The following TSEN2 variants were observed in gnomAD, a reference collection of about 807,000 sequenced individuals.
The protein encoded by TSEN2 is tRNA-splicing endonuclease subunit Sen2.
TSEN2 carries 54 observed loss-of-function variants against 59.2 expected under a neutral mutation model. The observed-to-expected ratio is 0.91, with a 90% CI of 0.73 to 1.14. TSEN2 has a LOEUF of 1.14. Among genes scored for constraint, TSEN2 ranks in the 50% most tolerant of loss-of-function variants. The pLI is 0.00. For synonymous variants in TSEN2, 195 were observed against 198.2 expected (o/e 0.98, Z 0.14); for missense variants, 636 against 576.2 (o/e 1.10, Z -1.06).
chr3:12,516,032 T>C (rs1575391660), intron 6 of TSEN2, among the ~76,000 whole-genome samples: 1 of 152,160 alleles, frequency 6.6e-6, no homozygotes, highest in East Asian at 1.9e-4. Flanking sequence ...TTCATAAAAA[T>C]CTTTTATTTT....
At chr3:12,535,386 G>T (rs536501914), downstream of TSEN2, among the ~76,000 whole-genome samples, 1 of 152,268 alleles carries the variant, frequency 6.6e-6, no homozygotes, top group Non-Finnish European at 1.5e-5. Flanking sequence ...TTTACATGAT[G>T]TAAAAGTCAT....
At chr3:12,531,921 G>A (rs2057483751) in intron 11 of TSEN2, among the ~76,000 whole-genome samples, 2 of 152,144 alleles carry the variant, frequency 1.3e-5, no homozygotes, top group African/African-American at 2.4e-5. Context: ...TCTTACAGGT[G>A]GCCTGTGACC....
intron 8 of TSEN2, among the ~76,000 whole-genome samples, chr3:12,522,442 A>G (rs1559349618): frequency 6.6e-6 from 1 of 152,260 alleles, no homozygotes; most frequent in Non-Finnish European, 1.5e-5. Flanking sequence ...CTGGGCCAGC[A>G]TCAGTGTTAA....
rs1436830556 is a variant in TSEN2, at chr3:12,533,268, G to T, written c.*547G>T. On this transcript the variant is annotated 3_prime_UTR_variant, in exon 12 of 12. Coordinates refer to ENST00000284995, the MANE Select transcript of TSEN2 (RefSeq NM_025265.4). ...TAATGTTTGGAGACATAATGAAAGCGATTAACATTTGGCAAAATATAATAA... is the reference window on the plus strand; with the variant it reads ...TAATGTTTGGAGACATAATGAAAGCTATTAACATTTGGCAAAATATAATAA... 1 of 155,650 alleles carries T rather than the reference G, an allele frequency of 6.4e-6. No homozygotes were observed. The highest frequency in any genetic ancestry group is 1.9e-4 in the South Asian group (1 of 5,134). The allele number at this position is 155,650 out of a possible 1,614,324, so 9.6% of individuals were successfully genotyped here.
chr3:12,489,991 T>G lies in TSEN2; in HGVS notation c.189+2T>G. On this transcript the variant is annotated splice_donor_variant, in intron 2 of 11. Transcript: ENST00000284995. LOFTEE classifies it high-confidence loss of function. ...GACATTGAGCAGCTCTATGGGAAAG[T>G]AAGTGCAGGCAGCCTTGGTAAGATT... 1 of 1,614,056 alleles carries G rather than the reference T, an allele frequency of 6.2e-7. No individual in the cohort carries two copies. The highest frequency in any genetic ancestry group is 8.5e-7 in the Non-Finnish European group (1 of 1,179,926).
rs1276643430 is a variant in TSEN2, at chr3:12,484,900, A to T, written c.-18+20A>T. On this transcript the variant is annotated intron_variant, in intron 1 of 11. Transcript: ENST00000284995. ...AAAGGGGTAAGACAGGGAGTTAGGA[A>T]TTGGCGGGGCCCCTAACGCTGTTGG... 1 of 152,242 alleles carries T rather than the reference A, an allele frequency of 6.6e-6. No homozygotes were observed. The highest frequency in any genetic ancestry group is 1.5e-5 in the Non-Finnish European group (1 of 68,060). 9.4% of individuals were successfully genotyped at this position (152,242 alleles called of 1,614,324 possible).
chr3:12,499,175 G>A (rs1050709716), intron 4 of TSEN2, among the ~76,000 whole-genome samples: 2 of 152,236 alleles, frequency 1.3e-5, no homozygotes, highest in African/African-American at 2.4e-5. Context: ...CACCTTCTGC[G>A]TAACTCTTTC....
At position 12,533,138 on chromosome 3, in the gene TSEN2, C is replaced by T. The variant is rs1377799080; in HGVS notation, c.*417C>T. 3 of 266,658 alleles carry T rather than the reference C, an allele frequency of 1.1e-5. No homozygotes were observed. Among genetic ancestry groups the T allele is most frequent in the Non-Finnish European group, 1.4e-5 (2 of 138,210 alleles). The allele number at this position is 266,658 out of a possible 1,614,324, so 16.5% of individuals were successfully genotyped here. ...TTCATACGCAGGCATCTCTTGTTAC[C>T]TACATCTAAGCTGTTCCCGAAAGAG... On this transcript the variant is annotated 3_prime_UTR_variant, in exon 12 of 12. Transcript: ENST00000284995.
Position 12,528,198 on chromosome 3 carries a change from G to A in TSEN2, c.1100-690G>A, listed in dbSNP as rs191149964. Among the ~76,000 whole-genome samples the A allele has an allele frequency of 3.0e-3, 452 of 152,232 alleles. 1 individual carries two copies. The highest frequency in any genetic ancestry group is 8.9e-3 in the African/African-American group (371 of 41,532). On this transcript the variant is annotated intron_variant, in intron 8 of 11. Coordinates refer to ENST00000284995, the MANE Select transcript of TSEN2 (RefSeq NM_025265.4). ...TAGTGAGTCAGACACTTTGCATTACGTTGATCTGAAATCAATAACAAAATA... is the reference window on the plus strand; with the variant it reads ...TAGTGAGTCAGACACTTTGCATTACATTGATCTGAAATCAATAACAAAATA...
chr3:12,495,300 G>A (rs2053639928), intron 3 of TSEN2, among the ~76,000 whole-genome samples: 1 of 152,120 alleles, frequency 6.6e-6, no homozygotes, highest in East Asian at 1.9e-4. Context: ...TGCAATCTCA[G>A]CTCACTGCAA....
chr3:12,508,108 G>C (rs1344784714), intron 6 of TSEN2, among the ~76,000 whole-genome samples: 1 of 152,198 alleles, frequency 6.6e-6, no homozygotes, highest in African/African-American at 2.4e-5. Context: ...TGGAGGGTGG[G>C]CTGGAGGCCT....
intron 6 of TSEN2, chr3:12,505,487 A>C (rs2054714156): frequency 2.3e-6 from 1 of 433,444 alleles, no homozygotes; most frequent in Non-Finnish European, 4.2e-6. Context: ...TTCTTTTCTC[A>C]TTAAGATTTT....
In TSEN2 at chr3:12,490,025, A is replaced by G. The variant is rs1219770879; in HGVS notation, c.189+36A>G. The G allele has an allele frequency of 3.7e-6, 6 of 1,602,506 alleles. No homozygotes were observed. In the South Asian group the frequency reaches 5.5e-5, roughly 15 times the overall value. ...GCAGCCTTGGTAAGATTACTTTCAG[A>G]CAACCCTGAGCAAGCAGTCCTTTCC... On this transcript the variant is annotated intron_variant, in intron 2 of 11. Transcript: ENST00000284995.
chr3:12,496,535 C>T lies in TSEN2; in HGVS notation c.289C>T (p.Pro97Ser), dbSNP rs1198220539. The change falls in exon 4 of 12, where the codon CCT (proline) becomes TCT (serine). Residue 97 changes from proline (P) to serine (S), a missense_variant. Transcript: ENST00000284995. ...TGTTCCAGATATGAAGACAAACATG[C>T]CTATCATCACATCAAAGAGGTAAGT... ...AKWKDMKTNM[P>S]IITSKRYQHS... 3 of 1,614,010 alleles carry T rather than the reference C, an allele frequency of 1.9e-6. No homozygotes were observed. Among genetic ancestry groups the T allele is most frequent in the African/African-American group, 2.7e-5 (2 of 74,924 alleles).
chr3:12,494,981 C>T (rs1244495471), intron 3 of TSEN2, among the ~76,000 whole-genome samples: 1 of 151,288 alleles, frequency 6.6e-6, no homozygotes, highest in African/African-American at 2.4e-5. Flanking sequence ...CAAAAATGAG[C>T]TGGGCATGGT....
upstream of TSEN2, among the ~76,000 whole-genome samples, chr3:12,483,433 A>T (rs1018247013): frequency 3.3e-5 from 5 of 152,198 alleles, no homozygotes; most frequent in African/African-American, 1.2e-4. Flanking sequence ...GCCATGCCAG[A>T]CTACTGCAGA....
chr3:12,507,583 T>G (rs2054977347), intron 6 of TSEN2, among the ~76,000 whole-genome samples: 1 of 152,222 alleles, frequency 6.6e-6, no homozygotes, highest in Non-Finnish European at 1.5e-5. Context: ...AACCTTCTTT[T>G]TTACAATCAC....
At chr3:12,512,387 G>A (rs1390704201) in intron 6 of TSEN2, among the ~76,000 whole-genome samples, 2 of 152,156 alleles carry the variant, frequency 1.3e-5, no homozygotes, top group African/African-American at 4.8e-5. Context: ...CTTTATTTTT[G>A]CTTGAATTGA....
intron 6 of TSEN2, among the ~76,000 whole-genome samples, chr3:12,513,366 C>T (rs1332740517): frequency 6.6e-6 from 1 of 152,140 alleles, no homozygotes; most frequent in Non-Finnish European, 1.5e-5. Context: ...TGGGTCATGC[C>T]TGTAATCTCA....
Sources: allele counts gnomAD v4.1 joint callset (sites outside exome capture counted in the v4.1 genomes callset), GRCh38; gene constraint gnomAD v4.1.1; transcripts MANE v1.5; gene names NCBI Gene and HGNC (gene_info 2026-07-23, HGNC 2026-07-21).